LRFN2: variants seen among roughly 807,000 people sequenced by gnomAD.
LRFN2 encodes leucine rich repeat and fibronectin type III domain containing 2.
LRFN2 carries 18 observed loss-of-function variants against 37.3 expected under a neutral mutation model. The observed-to-expected ratio is 0.48, with a 90% confidence interval of 0.33 to 0.72. The LOEUF (loss-of-function observed/expected upper bound fraction) is 0.72. Among genes scored for constraint, LRFN2 ranks in the 30% least tolerant of loss-of-function variants. LRFN2 has a pLI of 0.02. For synonymous variants in LRFN2, 556 were observed against 466.6 expected (o/e 1.19, Z -2.47); for missense variants, 1,006 against 1,060.7 (o/e 0.95, Z 0.72).
At chr6:40,570,190 C>T (rs1178041460) in intron 1 of LRFN2, among the ~76,000 whole-genome samples, 1 of 152,156 alleles carries the variant, frequency 6.6e-6, no homozygotes, top group Non-Finnish European at 1.5e-5. Flanking sequence ...CAACTACTTC[C>T]TTGAAGATTC....
chr6:40,432,195 T>TG lies in LRFN2; in HGVS notation c.918dup (p.Thr307HisfsTer21). 1 of 1,613,840 alleles carries TG rather than the reference T, an allele frequency of 6.2e-7. No individual in the cohort carries two copies. The highest frequency in any genetic ancestry group is 8.5e-7 in the Non-Finnish European group (1 of 1,180,026). ...TCCCCAATGGCTTTGCACTTGAGTG[T>TG]GGCCGCCTGGCCCTCCAGAACCAGC... On this transcript the variant is annotated frameshift_variant, in exon 2 of 3. Transcript: ENST00000338305. LOFTEE classifies it high-confidence loss of function.
At chr6:40,582,767 TA>T (rs34467203) in intron 1 of LRFN2, among the ~76,000 whole-genome samples, 67,573 of 150,980 alleles carry the variant, frequency 0.45, 15,467 homozygotes, top group Middle Eastern at 0.57. Flanking sequence ...GTGTCCTTAC[TA>T]AAACTTGCTT....
intron 2 of LRFN2, among the ~76,000 whole-genome samples, chr6:40,423,126 C>T (rs1284774193): frequency 1.3e-5 from 2 of 152,204 alleles, no homozygotes; most frequent in African/African-American, 2.4e-5. Flanking sequence ...TGAAAAACAT[C>T]TCCCCTATGC....
chr6:40,538,922 A>G (rs550624101), intron 1 of LRFN2, among the ~76,000 whole-genome samples: 1 of 152,294 alleles, frequency 6.6e-6, no homozygotes, highest in South Asian at 2.1e-4. Flanking sequence ...TCCATGGCCT[A>G]GTGTTGTGGT....
intron 2 of LRFN2, among the ~76,000 whole-genome samples, chr6:40,425,735 G>A (rs199804472): frequency 6.6e-5 from 10 of 152,366 alleles, no homozygotes; most frequent in East Asian, 3.9e-4. Flanking sequence ...GTGTCACAGC[G>A]CCTGCCTGCA....
chr6:40,414,851 G>C (rs1175235547), intron 2 of LRFN2, among the ~76,000 whole-genome samples: 1 of 152,200 alleles, frequency 6.6e-6, no homozygotes, highest in Non-Finnish European at 1.5e-5. Flanking sequence ...ACAGCCTAGA[G>C]AGGAGGCAGC....
intron 2 of LRFN2, among the ~76,000 whole-genome samples, chr6:40,411,378 T>G (rs1762963133): frequency 6.6e-6 from 1 of 152,184 alleles, no homozygotes; most frequent in Non-Finnish European, 1.5e-5. Flanking sequence ...GGTACGTATG[T>G]GAGTGTGACT....
intron 2 of LRFN2, among the ~76,000 whole-genome samples, chr6:40,402,111 G>A (rs748046562): frequency 1.4e-4 from 22 of 152,206 alleles, no homozygotes; most frequent in Non-Finnish European, 2.1e-4. Flanking sequence ...TTTCATGCAT[G>A]AGCTGCAAGG....
chr6:40,463,023 G>C (rs994205852), intron 1 of LRFN2, among the ~76,000 whole-genome samples: 3 of 152,202 alleles, frequency 2.0e-5, no homozygotes, highest in African/African-American at 7.2e-5. Flanking sequence ...TAAAGGAAGG[G>C]TTGAGCTCTT....
chr6:40,570,208 G>A (rs569342419), intron 1 of LRFN2, among the ~76,000 whole-genome samples: 3 of 152,144 alleles, frequency 2.0e-5, no homozygotes, highest in Non-Finnish European at 4.4e-5. Flanking sequence ...TTCAGCCCAG[G>A]TGTCTCAGCC....
intron 1 of LRFN2, among the ~76,000 whole-genome samples, chr6:40,510,834 G>A (rs966514829): frequency 1.8e-4 from 27 of 152,272 alleles, no homozygotes; most frequent in Admixed American, 1.5e-3. Flanking sequence ...CGGGGTTCTC[G>A]GCTTATAGAA....
At chr6:40,509,673 G>C (rs1429715247) in intron 1 of LRFN2, among the ~76,000 whole-genome samples, 1 of 151,976 alleles carries the variant, frequency 6.6e-6, no homozygotes, top group Non-Finnish European at 1.5e-5. Context: ...GCAGGCAGTG[G>C]GGGTGGGTGC....
chr6:40,420,713 G>A (rs1025122155), intron 2 of LRFN2, among the ~76,000 whole-genome samples: 3 of 152,246 alleles, frequency 2.0e-5, no homozygotes, highest in Admixed American at 6.5e-5. Flanking sequence ...ATGTGCACTG[G>A]AGGAAATACA....
chr6:40,433,098 CA>C lies in LRFN2; in HGVS notation c.15del (p.Gly6ValfsTer4). On this transcript the variant is annotated frameshift_variant, in exon 2 of 3. Transcript: ENST00000338305. LOFTEE classifies it high-confidence loss of function. ...GCCATGCCAAACGCTAGCAGGCCAC[CA>C]AGCAGGGTCTCCATGGTCTGGTCAC... METL[L>X]GGLLAFGMAF... The C allele has an allele frequency of 6.6e-7, 1 of 1,524,298 alleles. No individual in the cohort carries two copies. Among genetic ancestry groups the C allele is most frequent in the Non-Finnish European group, 8.8e-7 (1 of 1,137,644 alleles). 94.4% of individuals were successfully genotyped at this position (1,524,298 alleles called of 1,614,324 possible).
intron 1 of LRFN2, among the ~76,000 whole-genome samples, chr6:40,447,496 C>T (rs997065689): frequency 6.6e-6 from 1 of 152,172 alleles, no homozygotes; most frequent in African/African-American, 2.4e-5. Context: ...AGTTTAGAAT[C>T]TTTAACAAGT....
At chr6:40,420,179 G>A (rs75052889) in intron 2 of LRFN2, among the ~76,000 whole-genome samples, 18,547 of 152,296 alleles carry the variant, frequency 0.12, 1,232 homozygotes, top group African/African-American at 0.14. Flanking sequence ...TAACGAGCTC[G>A]TTCATCCACA....
chr6:40,394,945 T>C (rs1245410037), intron 2 of LRFN2, among the ~76,000 whole-genome samples: 1 of 130,598 alleles, frequency 7.7e-6, no homozygotes, highest in African/African-American at 2.9e-5. Flanking sequence ...ATTTAAACTT[T>C]TTCTTTTCCT....
At chr6:40,567,335 C>T (rs145728038) in intron 1 of LRFN2, among the ~76,000 whole-genome samples, 357 of 152,276 alleles carry the variant, frequency 2.3e-3, no homozygotes, top group African/African-American at 7.8e-3. Flanking sequence ...ATCAAAATGG[C>T]GGACACAGCC....
At position 40,392,895 on chromosome 6, in the gene LRFN2, T is replaced by A. The variant is rs759162298; in HGVS notation, c.1418A>T (p.Asn473Ile). 1.4e-5 allele frequency: 22 copies of A among 1,610,096 alleles called. No individual in the cohort carries two copies. The East Asian group carries it at 4.7e-4, about 34-fold the overall frequency. Residue 473 changes from asparagine (N) to isoleucine (I), a missense_variant, in exon 3 of 3, where the codon AAC (asparagine) becomes ATC (isoleucine). By Grantham distance (149) the Asn-to-Ile change is moderately radical. Transcript: ENST00000338305. This position sits in a 1 kb window ranked among gnomAD's most constrained non-coding sequence, Gnocchi z 4.7. ...CAGGTTGTTGACCACGAAGGCCTTG[T>A]TGGAGGCTGGGATCATCCTGGGGAG... is the stretch of plus-strand genomic sequence containing the variant. ...VLIYRMIPAS[N>I]KAFVVNNLVS...
Sources: gnomAD v4.1 joint callset for allele counts (sites outside exome capture counted in the v4.1 genomes callset) on GRCh38, gnomAD v4.1.1 for gene constraint, Gnocchi (gnomAD v3.1) non-coding constraint, MANE v1.5 for transcripts, NCBI Gene and HGNC (gene_info 2026-07-23, HGNC 2026-07-21) for gene names.